The following DAP3 variants were observed in gnomAD, a reference collection of about 807,000 sequenced individuals.
DAP3 encodes the protein death associated protein 3.
DAP3 carries 28 observed loss-of-function variants against 51.9 expected under a neutral mutation model. The observed-to-expected ratio is 0.54, with a 90% confidence interval of 0.40 to 0.74. DAP3 has a LOEUF of 0.74. Among genes scored for constraint, DAP3 ranks in the 30% least tolerant of loss-of-function variants. DAP3 has a pLI of 0.00. For synonymous variants in DAP3, 170 were observed against 170.3 expected (o/e 1.00, Z 0.01); for missense variants, 458 against 483.5 (o/e 0.95, Z 0.49).
At chr1:155,698,069 C>T (rs556020897) in intron 1 of DAP3, among the ~76,000 whole-genome samples, 76 of 152,142 alleles carry the variant, frequency 5.0e-4, no homozygotes, top group Non-Finnish European at 8.8e-4. Context: ...CCTTGTTCCC[C>T]GAAAATCGTT....
At chr1:155,717,657 T>C (rs1657490314) in intron 3 of DAP3, among the ~76,000 whole-genome samples, 1 of 152,174 alleles carries the variant, frequency 6.6e-6, no homozygotes, top group African/African-American at 2.4e-5. Context: ...TGGAGAGTAC[T>C]AAAGAAATTA....
Position 155,725,917 on chromosome 1 carries a change from T to G in DAP3, c.380-10T>G. 6.2e-7 allele frequency: 1 copy of G among 1,612,046 alleles called. No individual in the cohort carries two copies. Among genetic ancestry groups the G allele is most frequent in the Non-Finnish European group, 8.5e-7 (1 of 1,178,478 alleles). On this transcript the variant is annotated splice_polypyrimidine_tract_variant and intron_variant, in intron 5 of 12. Transcript: ENST00000368336. ...TCCAGTCATGTTTTCTTTAACAACA[T>G]ATACTTTAGATGGAGAGAAGGGAAC...
At chr1:155,709,686 C>T in intron 1 of DAP3, 87 bp from the exon 2 acceptor site, 4 of 1,034,402 alleles carry the variant, frequency 3.9e-6, no homozygotes, top group East Asian at 2.5e-5. Flanking sequence ...ATTATTAATC[C>T]CTATTAATCT....
intron 1 of DAP3, among the ~76,000 whole-genome samples, chr1:155,707,506 C>A (rs1656153173): frequency 6.6e-6 from 1 of 151,890 alleles, no homozygotes; most frequent in Admixed American, 6.6e-5. Context: ...TTGAGAGTTA[C>A]ATTTAAGTAT....
chr1:155,716,079 A>G lies in DAP3; in HGVS notation c.46-927A>G, dbSNP rs1379586456. Among the ~76,000 whole-genome samples the G allele has an allele frequency of 2.0e-5, 3 of 152,310 alleles. No individual in the cohort carries two copies. In the East Asian group the frequency reaches 5.8e-4, roughly 29 times the overall value. ...CATCGCTGTGCAAGCGCATTAAAAG[A>G]GCTTTCCTGCTTCAAGTTTGCTAAT... On this transcript the variant is annotated intron_variant, in intron 2 of 12. Coordinates refer to ENST00000368336, the MANE Select transcript of DAP3 (RefSeq NM_004632.4).
chr1:155,731,871 AT>A lies in DAP3; in HGVS notation c.904-72del, dbSNP rs1659271383. The A allele has an allele frequency of 2.1e-6, 3 of 1,455,140 alleles. No individual in the cohort carries two copies. The South Asian group carries it at 4.0e-5, about 19-fold the overall frequency. 90.1% of individuals were successfully genotyped at this position (1,455,140 alleles called of 1,614,324 possible). Reference sequence around the variant, plus strand: ...TGTATGCCCAAGAAAGAAAAAAAAAATCTACAGATGATTAATGCAGTTTTCC... The same window carrying A: ...TGTATGCCCAAGAAAGAAAAAAAAAACTACAGATGATTAATGCAGTTTTCC... On this transcript the variant is annotated intron_variant, in intron 10 of 12. Transcript: ENST00000368336.
chr1:155,732,233 C>CTT (rs202209826), intron 11 of DAP3, 200 bp downstream of exon 11: 12,635 of 274,332 alleles, frequency 0.046, 101 homozygotes, highest in East Asian at 0.069. Flanking sequence ...AGTTTCTTTT[C>CTT]TTTTTTTTTT....
rs117182857 is a variant in DAP3, at chr1:155,689,104, G to A, written c.-78G>A. 15 of 1,293,810 alleles carry A rather than the reference G, an allele frequency of 1.2e-5. No individual in the cohort carries two copies. Among genetic ancestry groups the A allele is most frequent in the South Asian group, 5.1e-5 (4 of 77,898 alleles). 80.1% of individuals were successfully genotyped at this position (1,293,810 alleles called of 1,614,324 possible). The stretch of plus-strand genomic sequence containing the variant: ...CGACCCTTTTTTGCAGTCTCAGGAC[G>A]GGCGCTTTGGAGCCGGCCCCAGGCA... On this transcript the variant is annotated 5_prime_UTR_variant, in exon 1 of 13. Coordinates refer to ENST00000368336, the MANE Select transcript of DAP3 (RefSeq NM_004632.4).
At chr1:155,702,895 G>C (rs1655488967) in intron 1 of DAP3, among the ~76,000 whole-genome samples, 1 of 152,126 alleles carries the variant, frequency 6.6e-6, no homozygotes, top group Non-Finnish European at 1.5e-5. Flanking sequence ...CTTGAACCTG[G>C]GAGGCAGAGG....
chr1:155,715,216 A>C (rs2149160960), intron 2 of DAP3, among the ~76,000 whole-genome samples: 1 of 149,514 alleles, frequency 6.7e-6, no homozygotes, highest in East Asian at 2.0e-4. Context: ...AAAAAAAAAA[A>C]AACCCACAAA....
chr1:155,734,576 A>G (rs951618214), intron 11 of DAP3, among the ~76,000 whole-genome samples: 2 of 152,144 alleles, frequency 1.3e-5, no homozygotes, highest in Non-Finnish European at 2.9e-5. Context: ...CCATTTCTCC[A>G]AAGAGCATTG....
intron 1 of DAP3, among the ~76,000 whole-genome samples, chr1:155,690,692 G>C (rs561924729): frequency 7.0e-6 from 1 of 142,064 alleles, no homozygotes; most frequent in South Asian, 2.1e-4. Context: ...AATGAAAATT[G>C]TAAGAAAGCA....
At chr1:155,716,193 G>A (rs1444845257) in intron 2 of DAP3, among the ~76,000 whole-genome samples, 1 of 152,158 alleles carries the variant, frequency 6.6e-6, no homozygotes, top group Non-Finnish European at 1.5e-5. Context: ...TACACAGACT[G>A]GAACAGATAC....
chr1:155,732,386 C>T (rs1014316688), intron 11 of DAP3, among the ~76,000 whole-genome samples: 26 of 151,992 alleles, frequency 1.7e-4, no homozygotes, highest in Admixed American at 3.3e-4. Flanking sequence ...TCCACTACCA[C>T]GCCCAGCTAA....
chr1:155,724,540 G>A (rs1375123008), intron 4 of DAP3, among the ~76,000 whole-genome samples: 1 of 151,374 alleles, frequency 6.6e-6, no homozygotes, highest in Admixed American at 6.6e-5. Context: ...GACTGAGGCA[G>A]AAGAATTGCT....
At chr1:155,732,860 T>C (rs1263025199) in intron 11 of DAP3, among the ~76,000 whole-genome samples, 3 of 152,014 alleles carry the variant, frequency 2.0e-5, no homozygotes, top group Admixed American at 2.0e-4. Context: ...CCGTCTCTAC[T>C]AAAAATACAA....
intron 1 of DAP3, among the ~76,000 whole-genome samples, chr1:155,702,258 A>G (rs1311173434): frequency 6.6e-6 from 1 of 151,826 alleles, no homozygotes; most frequent in Non-Finnish European, 1.5e-5. Flanking sequence ...TCATGAGGTC[A>G]GGAGATCGAG....
intron 2 of DAP3, among the ~76,000 whole-genome samples, chr1:155,712,542 A>G (rs348206): frequency 0.14 from 20,497 of 149,790 alleles, 2,870 homozygotes; most frequent in African/African-American, 0.36. Flanking sequence ...AACCTGGGAG[A>G]CAGAGGTTGC....
intron 11 of DAP3, among the ~76,000 whole-genome samples, chr1:155,733,066 T>G (rs987273545): frequency 2.6e-5 from 4 of 152,240 alleles, no homozygotes; most frequent in Non-Finnish European, 5.9e-5. Context: ...TCTCCTTTAA[T>G]CTGTGACAGT....
Sources: allele counts gnomAD v4.1 joint callset (sites outside exome capture counted in the v4.1 genomes callset), GRCh38; gene constraint gnomAD v4.1.1; transcripts MANE v1.5; gene names NCBI Gene and HGNC (gene_info 2026-07-23, HGNC 2026-07-21).